PREX1: variants seen among roughly 807,000 people sequenced by gnomAD.
The protein encoded by PREX1 is phosphatidylinositol-3,4,5-trisphosphate dependent Rac exchange factor 1.
A neutral mutation model predicts 198.3 loss-of-function variants in PREX1; 41 were observed. That is an observed-to-expected ratio of 0.21 (90% CI 0.16 to 0.27). The LOEUF is 0.27. Ranked by LOEUF, PREX1 falls within the 10% of genes least tolerant of loss-of-function variation. PREX1 has a pLI of 1.00. For missense variants in PREX1, 1,620 were observed against 2,200.7 expected (o/e 0.74, Z 5.28); for synonymous variants, 843 against 887.2 (o/e 0.95, Z 0.89).
chr20:48,884,505 C>T, the PREX1 span, among the ~76,000 whole-genome samples: 2 of 152,146 alleles, frequency 1.3e-5, no homozygotes, highest in Non-Finnish European at 2.9e-5. Flanking sequence ...CATATGCAAA[C>T]AATAACTAAA....
intron 1 of PREX1, among the ~76,000 whole-genome samples, chr20:48,756,933 T>C (rs1036094778): frequency 3.9e-5 from 6 of 152,096 alleles, no homozygotes; most frequent in Non-Finnish European, 8.8e-5. Flanking sequence ...GCAAGAGAGC[T>C]TGTGTAGGGG....
intron 1 of PREX1, among the ~76,000 whole-genome samples, chr20:48,763,892 A>G (rs2090195957): frequency 6.6e-6 from 1 of 152,088 alleles, no homozygotes; most frequent in African/African-American, 2.4e-5. Context: ...TATGTACCCA[A>G]TGCTTCCCAC....
At chr20:48,674,068 CA>C (rs1193250340) in intron 14 of PREX1, among the ~76,000 whole-genome samples, 1 of 152,222 alleles carries the variant, frequency 6.6e-6, no homozygotes, top group Non-Finnish European at 1.5e-5. Context: ...GGGCTGACTG[CA>C]TGTGATTCTC....
At chr20:48,788,489 T>G (rs1871614588) in intron 1 of PREX1, among the ~76,000 whole-genome samples, 1 of 152,122 alleles carries the variant, frequency 6.6e-6, no homozygotes, top group Non-Finnish European at 1.5e-5. Context: ...TGATGCTGCT[T>G]GAAAGGTGTT....
At chr20:48,863,436 T>G in the PREX1 span, among the ~76,000 whole-genome samples, 1 of 151,868 alleles carries the variant, frequency 6.6e-6, no homozygotes, top group African/African-American at 2.4e-5. Context: ...TGCTTCACCT[T>G]TTCATCCCTC....
chr20:48,848,695 C>T, the PREX1 span, among the ~76,000 whole-genome samples: 3 of 152,308 alleles, frequency 2.0e-5, no homozygotes, highest in Non-Finnish European at 2.9e-5. Context: ...GCTTCGCAGA[C>T]GTTTGCAGAC....
chr20:48,627,560 T>C lies in PREX1; in HGVS notation c.4925A>G (p.Gln1642Arg). Residue 1642 changes from glutamine to arginine, a missense_variant, in exon 39 of 40, where the codon CAG (glutamine) becomes CGG (arginine). Around this residue, in one of 7 missense-constraint regions of PREX1, gnomAD observed 476 missense variants for 603.4 expected, o/e 0.79. Coordinates refer to ENST00000371941, the MANE Select transcript of PREX1 (RefSeq NM_020820.4). Reference protein sequence around the residue: ...KNLRVKDQMPQGAPRLYRLCQ... With the variant: ...KNLRVKDQMPRGAPRLYRLCQ... The stretch of plus-strand genomic sequence containing the variant: ...GGCAGCCACTCACCGCGGAGCACCC[T>C]GGGGCATCTGGTCCTTGACTCGCAG... The C allele has an allele frequency of 1.2e-6, 2 of 1,613,664 alleles. No homozygotes were observed. The highest frequency in any genetic ancestry group is 1.6e-4 in the Middle Eastern group (1 of 6,062).
chr20:48,751,983 C>G (rs2090136184), intron 1 of PREX1, among the ~76,000 whole-genome samples: 1 of 152,140 alleles, frequency 6.6e-6, no homozygotes, highest in Admixed American at 6.5e-5. Context: ...CTAGGGGAGG[C>G]ACAGACTGGA....
At position 48,645,874 on chromosome 20, in the gene PREX1, G is replaced by C; in HGVS notation, c.3489C>G (p.Thr1163=). 6.2e-7 allele frequency: 1 copy of C among 1,614,180 alleles called. No individual in the cohort carries two copies. The highest frequency in any genetic ancestry group is 1.1e-5 in the South Asian group (1 of 91,074). Residue 1163 remains threonine (T), a synonymous_variant, in exon 26 of 40, where the codon ACC becomes ACG. Coordinates refer to ENST00000371941, the MANE Select transcript of PREX1 (RefSeq NM_020820.4). The stretch of plus-strand genomic sequence containing the variant: ...ACCTGTAGGAGTCGCGATAACTCAT[G>C]GTGTCGTGGCCTGAGTCCTCCTGGT... ...EEDQEDSGHD[T]MSYRDSYSEC... is the part of the protein sequence containing the mutation.
chr20:48,770,805 G>A (rs2090231984), intron 1 of PREX1, among the ~76,000 whole-genome samples: 1 of 152,182 alleles, frequency 6.6e-6, no homozygotes, highest in Non-Finnish European at 1.5e-5. Flanking sequence ...CCCCTTGGCA[G>A]CCCTAATCCA....
chr20:48,816,967 G>A (rs538168570), intron 1 of PREX1, among the ~76,000 whole-genome samples: 4 of 152,222 alleles, frequency 2.6e-5, no homozygotes, highest in South Asian at 4.1e-4. Flanking sequence ...TAACTAATAC[G>A]CCATCTCTGT....
chr20:48,752,095 A>G (rs940566735), intron 1 of PREX1, among the ~76,000 whole-genome samples: 3 of 152,178 alleles, frequency 2.0e-5, no homozygotes, highest in South Asian at 4.1e-4. Flanking sequence ...AGCAGTATGC[A>G]CTCGAGATTA....
intron 10 of PREX1, among the ~76,000 whole-genome samples, chr20:48,686,245 A>AG (rs1431946745): frequency 6.6e-6 from 1 of 152,196 alleles, no homozygotes; most frequent in Non-Finnish European, 1.5e-5. Context: ...CTGGAGGACC[A>AG]GGGACGCATC....
At chr20:48,737,244 A>AG (rs2090060991) in intron 3 of PREX1, among the ~76,000 whole-genome samples, 1 of 141,220 alleles carries the variant, frequency 7.1e-6, no homozygotes, top group Non-Finnish European at 1.5e-5. Flanking sequence ...AAAAAAAAAA[A>AG]GACAGGCAGA....
chr20:48,788,440 C>T (rs1197622222), intron 1 of PREX1, among the ~76,000 whole-genome samples: 2 of 152,104 alleles, frequency 1.3e-5, no homozygotes, highest in African/African-American at 4.8e-5. Context: ...AGCTCTTTGG[C>T]CACCAGCTTC....
At chr20:48,688,914 C>T in intron 9 of PREX1, 110 bp from the exon 10 acceptor site, 1 of 1,313,870 alleles carries the variant, frequency 7.6e-7, no homozygotes, top group Non-Finnish European at 1.1e-6. Context: ...TGCCACCTGC[C>T]CCACCACCTG....
chr20:48,630,750 G>A lies in PREX1; in HGVS notation c.4571C>T (p.Thr1524Ile). ...ERSNLPTDAS[T>I]TAVKIDQLIR... ...TACCTGGTCTATCTTTACCGCCGTG[G>A]TGCTGGCATCCGTGGGCAGGTTAGA... The change falls in exon 36 of 40, where the codon ACC becomes ATC. Residue 1524 changes from threonine (T) to isoleucine (I), a missense_variant. By Grantham distance (89) the Thr-to-Ile change is moderately conservative (BLOSUM62 -1). This residue lies in a region of PREX1 where 476 missense variants were observed against 603.4 expected (regional missense o/e 0.79). Coordinates refer to ENST00000371941, the MANE Select transcript of PREX1 (RefSeq NM_020820.4). 6.2e-7 allele frequency: 1 copy of A among 1,600,496 alleles called. No individual in the cohort carries two copies. The highest frequency in any genetic ancestry group is 1.3e-5 in the African/African-American group (1 of 74,752).
chr20:48,654,779 A>T lies in PREX1; in HGVS notation c.2209+511T>A, dbSNP rs551592327. 5.3e-5 allele frequency among the ~76,000 whole-genome samples: 8 copies of T among 152,374 alleles called. No individual in the cohort carries two copies. In the South Asian group the frequency reaches 1.7e-3, roughly 32 times the overall value. On this transcript the variant is annotated intron_variant, in intron 19 of 39. Transcript: ENST00000371941. ...AGATGCAAAAAAAGTTTGGGGGCCC[A>T]GTATCATAGACCTACTTGGTTCCAT...
At chr20:48,822,579 A>C (rs571868971) in intron 1 of PREX1, among the ~76,000 whole-genome samples, 2 of 152,370 alleles carry the variant, frequency 1.3e-5, no homozygotes, top group South Asian at 4.1e-4. Flanking sequence ...GCATTAATCT[A>C]ATAACCATGT....
Sources: gnomAD v4.1 joint callset for allele counts (sites outside exome capture counted in the v4.1 genomes callset) on GRCh38, gnomAD v4.1.1 for gene constraint, gnomAD v4.1.1 regional missense constraint, MANE v1.5 for transcripts, NCBI Gene and HGNC (gene_info 2026-07-23, HGNC 2026-07-21) for gene names.